Variants in MARCHF11 observed in about 807,000 individuals in gnomAD.
The protein encoded by MARCHF11 is E3 ubiquitin-protein ligase MARCHF11.
MARCHF11 carries 29 observed loss-of-function variants against 37.3 expected under a neutral mutation model. That is an observed-to-expected ratio of 0.78 (90% CI 0.58 to 1.06). The LOEUF is 1.06. Ranked by LOEUF, MARCHF11 falls within the 50% of genes least tolerant of loss-of-function variation. The pLI is 0.00. For missense variants in MARCHF11, 482 were observed against 533.4 expected, an observed-to-expected ratio of 0.90 and a Z score of 0.95; for synonymous variants, 233 against 228.0, an observed-to-expected ratio of 1.02 and a Z score of -0.20.
chr5:16,111,460 T>C (rs901894656), intron 2 of MARCHF11, among the ~76,000 whole-genome samples: 1 of 152,200 alleles, frequency 6.6e-6, no homozygotes, highest in Admixed American at 6.5e-5. Flanking sequence ...CCTGCTGCCC[T>C]AGAGATTTAT....
rs1050393114 is a variant in MARCHF11, at chr5:16,110,510, T to TA, written c.694-19430dup. Among the ~76,000 whole-genome samples, 6 of 152,212 alleles carry TA rather than the reference T, an allele frequency of 3.9e-5. No homozygotes were observed. The South Asian group carries it at 6.2e-4, about 16-fold the overall frequency. On this transcript the variant is annotated intron_variant, in intron 2 of 3. Transcript: ENST00000332432. ...ATCACAATATAACACAACAAAAACA[T>TA]AAAAAATGGATATTTATTTGAATTA...
chr5:16,140,369 C>T (rs1449391516), intron 2 of MARCHF11, among the ~76,000 whole-genome samples: 1 of 151,970 alleles, frequency 6.6e-6, no homozygotes, highest in Non-Finnish European at 1.5e-5. Flanking sequence ...ATCATAAAAG[C>T]CCCTTGGCTT....
chr5:16,113,650 C>T (rs753414486), intron 2 of MARCHF11, among the ~76,000 whole-genome samples: 11 of 152,020 alleles, frequency 7.2e-5, no homozygotes, highest in Non-Finnish European at 1.5e-4. Flanking sequence ...AAATGTAACA[C>T]AGTATTTTTA....
intron 2 of MARCHF11, among the ~76,000 whole-genome samples, chr5:16,149,563 C>T (rs1314182712): frequency 1.3e-5 from 2 of 152,084 alleles, no homozygotes; most frequent in Non-Finnish European, 2.9e-5. Context: ...CTTCACTTCA[C>T]CCTGTGTTCA....
intron 3 of MARCHF11, among the ~76,000 whole-genome samples, chr5:16,080,564 C>A (rs1033755483): frequency 2.0e-5 from 3 of 152,164 alleles, no homozygotes; most frequent in Admixed American, 2.0e-4. Flanking sequence ...GAGCCTATGA[C>A]CTTTCTCTCC....
At chr5:16,160,427 A>G (rs1005405778) in intron 2 of MARCHF11, among the ~76,000 whole-genome samples, 2 of 146,806 alleles carry the variant, frequency 1.4e-5, no homozygotes, top group East Asian at 2.0e-4. Flanking sequence ...TATATTTATA[A>G]TAAAAATATA....
intron 3 of MARCHF11, among the ~76,000 whole-genome samples, chr5:16,070,366 G>A (rs912973582): frequency 5.9e-5 from 9 of 151,646 alleles, no homozygotes; most frequent in Middle Eastern, 3.4e-3. Flanking sequence ...CTTCTGGGAC[G>A]GTAACTCTAT....
Position 16,093,920 on chromosome 5 carries a change from C to T in MARCHF11, c.694-2839G>A, listed in dbSNP as rs963594328. Among the ~76,000 whole-genome samples the T allele has an allele frequency of 4.6e-5, 7 of 152,098 alleles. No homozygotes were observed. In the East Asian group the frequency reaches 1.2e-3, roughly 25 times the overall value. On this transcript the variant is annotated intron_variant, in intron 2 of 3. Coordinates refer to ENST00000332432, the MANE Select transcript of MARCHF11 (RefSeq NM_001102562.3). The stretch of plus-strand genomic sequence containing the variant: ...ATTGTACAAAATCTATAGTGAGCTC[C>T]CTGAAATTTTTTTTGGTTTTATATC...
chr5:16,149,462 G>A (rs987895999), intron 2 of MARCHF11, among the ~76,000 whole-genome samples: 1 of 152,184 alleles, frequency 6.6e-6, no homozygotes, highest in East Asian at 1.9e-4. Flanking sequence ...ACTGGTAGAA[G>A]CATTTGGGAA....
chr5:16,150,128 G>C (rs1000427306), intron 2 of MARCHF11, among the ~76,000 whole-genome samples: 1 of 149,320 alleles, frequency 6.7e-6, no homozygotes, highest in Non-Finnish European at 1.5e-5. Flanking sequence ...GATTTATCAA[G>C]TTATACAGTT....
intron 2 of MARCHF11, among the ~76,000 whole-genome samples, chr5:16,107,233 G>A (rs2126567548): frequency 6.6e-6 from 1 of 152,282 alleles, no homozygotes; most frequent in East Asian, 1.9e-4. Flanking sequence ...AAATGTGCAG[G>A]CAAATTTTCT....
intron 3 of MARCHF11, among the ~76,000 whole-genome samples, chr5:16,082,429 G>A (rs79935907): frequency 0.027 from 4,126 of 152,254 alleles, 169 homozygotes; most frequent in African/African-American, 0.094. Context: ...ATGTCTGTGT[G>A]AGTAACAGAC....
intron 2 of MARCHF11, among the ~76,000 whole-genome samples, chr5:16,108,054 G>C (rs1294253108): frequency 6.6e-6 from 1 of 152,194 alleles, no homozygotes; most frequent in Non-Finnish European, 1.5e-5. Context: ...TGTCATACTG[G>C]CCTTCTGCCC....
chr5:16,082,293 T>TG (rs1736624525), intron 3 of MARCHF11, among the ~76,000 whole-genome samples: 1 of 152,216 alleles, frequency 6.6e-6, no homozygotes, highest in Non-Finnish European at 1.5e-5. Context: ...AGGCATTTCC[T>TG]GGGGCGCGAA....
intron 2 of MARCHF11, among the ~76,000 whole-genome samples, chr5:16,151,272 T>C (rs1270173531): frequency 6.6e-6 from 1 of 152,052 alleles, no homozygotes; most frequent in Non-Finnish European, 1.5e-5. Context: ...CCAGCGTTTA[T>C]GGATGAGCAT....
chr5:16,069,441 G>A (rs561568262), intron 3 of MARCHF11, among the ~76,000 whole-genome samples: 2 of 152,236 alleles, frequency 1.3e-5, no homozygotes, highest in East Asian at 3.9e-4. Flanking sequence ...TTTTTAAACT[G>A]GGTGGTGGAG....
At chr5:16,095,234 C>G (rs1261003650) in intron 2 of MARCHF11, among the ~76,000 whole-genome samples, 1 of 152,168 alleles carries the variant, frequency 6.6e-6, no homozygotes, top group Non-Finnish European at 1.5e-5. Flanking sequence ...AGCTGTGAGT[C>G]ATTCCCTGCT....
intron 2 of MARCHF11, 136 bp from the exon 3 acceptor site, chr5:16,091,217 AT>A (rs754034911): frequency 1.3e-5 from 8 of 614,552 alleles, no homozygotes; most frequent in Non-Finnish European, 2.1e-5. Context: ...GAATTTTTTC[AT>A]TTCATCCAGG....
At position 16,179,632 on chromosome 5, in the gene MARCHF11, A is replaced by C. The variant is rs898924500; in HGVS notation, c.-57T>G. Reference sequence around the variant, plus strand: ...GGCTGGCGGGCCGGGCTCTGGCTGCAGGGAAAGAGAGCGCGGAGGGGGCGG... The same window carrying C: ...GGCTGGCGGGCCGGGCTCTGGCTGCCGGGAAAGAGAGCGCGGAGGGGGCGG... On this transcript the variant is annotated 5_prime_UTR_variant, in exon 1 of 4. Transcript: ENST00000332432. 1.6e-5 allele frequency: 15 copies of C among 962,476 alleles called. No homozygotes were observed. Among genetic ancestry groups the C allele is most frequent in the African/African-American group, 1.9e-5 (1 of 51,926 alleles). The allele number at this position is 962,476 out of a possible 1,614,324, so 59.6% of individuals were successfully genotyped here. A position where few individuals can be genotyped will look rare whatever the true frequency, so the allele number is the denominator to read the frequency against.
Sources: gnomAD v4.1 joint callset for allele counts (sites outside exome capture counted in the v4.1 genomes callset) on GRCh38, gnomAD v4.1.1 for gene constraint, MANE v1.5 for transcripts, NCBI Gene and HGNC (gene_info 2026-07-23, HGNC 2026-07-21) for gene names.